The following MBD5 variants were observed in gnomAD, a reference collection of about 807,000 sequenced individuals.
MBD5 encodes methyl-CpG-binding domain protein 5.
In MBD5, 13 loss-of-function variants were observed where a neutral mutation model predicts 117.3. The observed-to-expected ratio is 0.11, with a 90% confidence interval of 0.07 to 0.18. The LOEUF is 0.18. Among genes scored for constraint, MBD5 ranks in the 10% least tolerant of loss-of-function variants. The pLI, the probability that MBD5 is intolerant of heterozygous loss-of-function variation, is 1.00. For synonymous variants in MBD5, 727 were observed against 766.4 expected (o/e 0.95, Z 0.85); for missense variants, 1,879 against 2,093.8 (o/e 0.90, Z 2.00).
chr2:148,252,106 G>C (rs1700478669), intron 3 of MBD5, among the ~76,000 whole-genome samples: 1 of 152,112 alleles, frequency 6.6e-6, no homozygotes, highest in African/African-American at 2.4e-5. Context: ...CATTTTCAGT[G>C]GATCAGGGGA....
intron 1 of MBD5, among the ~76,000 whole-genome samples, chr2:148,031,282 A>G (rs1694031554): frequency 6.6e-6 from 1 of 152,200 alleles, no homozygotes; most frequent in South Asian, 2.1e-4. Context: ...TGTACTTGAA[A>G]AACACTTTAA....
Position 148,057,814 on chromosome 2 carries a change from C to A in MBD5, c.-925+36130C>A, listed in dbSNP as rs1238379976. On this transcript the variant is annotated intron_variant, in intron 1 of 13. Transcript: ENST00000642680. ...GCATGAAGAGCATGTCCACAAAATT[C>A]TTTTCTTAGTTAAAAAAAATAAAGT... 5.3e-5 allele frequency among the ~76,000 whole-genome samples: 8 copies of A among 151,948 alleles called. No homozygotes were observed. The East Asian group carries it at 1.2e-3, about 22-fold the overall frequency.
intron 4 of MBD5, among the ~76,000 whole-genome samples, chr2:148,343,812 A>C (rs1273890358): frequency 6.6e-6 from 1 of 152,078 alleles, no homozygotes; most frequent in East Asian, 1.9e-4. Context: ...ATTTAGTTTA[A>C]TTAGGTCCCA....
At position 148,384,749 on chromosome 2, in the gene MBD5, G is replaced by A. The variant is rs1267347249; in HGVS notation, c.-557+42413G>A. Among the ~76,000 whole-genome samples the A allele has an allele frequency of 3.9e-5, 6 of 152,120 alleles. No homozygotes were observed. In the South Asian group the frequency reaches 1.0e-3, roughly 26 times the overall value. On this transcript the variant is annotated intron_variant, in intron 4 of 13. Coordinates refer to ENST00000642680, the MANE Select transcript of MBD5 (RefSeq NM_001378120.1). ...ACAGTAACCAAAACAGCATGGTACT[G>A]GTACCAAAACAGAGATATAGACCAA...
chr2:148,186,735 A>C (rs1698668407), intron 2 of MBD5, among the ~76,000 whole-genome samples: 1 of 152,230 alleles, frequency 6.6e-6, no homozygotes, highest in Admixed American at 6.5e-5. Flanking sequence ...AACATTTTAC[A>C]AAACCTTGAT....
At chr2:148,033,654 G>C (rs1694104313) in intron 1 of MBD5, among the ~76,000 whole-genome samples, 1 of 152,144 alleles carries the variant, frequency 6.6e-6, no homozygotes, top group Non-Finnish European at 1.5e-5. Flanking sequence ...TAAATTGTAA[G>C]AGACAAGGAA....
chr2:148,469,465 C>T lies in MBD5; in HGVS notation c.1522C>T (p.Pro508Ser), dbSNP rs777081106. The change falls in exon 8 of 14, where the codon CCT becomes TCT. Residue 508 changes from proline to serine, a missense_variant. Physicochemically the swap from Pro to Ser is moderately conservative, Grantham distance 74 (BLOSUM62 -1). This residue lies in a region of MBD5 where 1,666 missense variants were observed against 1,792.2 expected (regional missense o/e 0.93). Transcript: ENST00000642680. ...GSPRPSMPSS[P>S]STKSDGHHQY... ...CCCAAGGCCATCAATGCCATCAAGC[C>T]CTTCTACCAAGTCCGATGGACATCA... is the stretch of plus-strand genomic sequence containing the variant. The T allele has an allele frequency of 6.2e-7, 1 of 1,613,896 alleles. No individual in the cohort carries two copies. The highest frequency in any genetic ancestry group is 2.2e-5 in the East Asian group (1 of 44,878).
intron 1 of MBD5, among the ~76,000 whole-genome samples, chr2:148,029,919 G>GTAAT (rs1693993137): frequency 6.6e-6 from 1 of 152,086 alleles, no homozygotes; most frequent in Admixed American, 6.6e-5. Flanking sequence ...TGCATTGCTG[G>GTAAT]TAAAATGCTT....
rs1559010681 is a variant in MBD5, at chr2:148,296,863, A to ATTTTTTTTTTTTTTTTT, written c.-679-45351_-679-45350insTTTTTTTTTTTTTTTTT. 1.9e-3 allele frequency among the ~76,000 whole-genome samples: 73 copies of ATTTTTTTTTTTTTTTTT among 37,706 alleles called. 1 individual carries two copies. Among genetic ancestry groups the ATTTTTTTTTTTTTTTTT allele is most frequent in the Admixed American group, 3.6e-3 (8 of 2,226 alleles). The allele number at this position is 37,706 out of a possible 152,430, so 24.7% of individuals were successfully genotyped here. A position where few individuals can be genotyped will look rare whatever the true frequency, so the allele number is the denominator to read the frequency against. On this transcript the variant is annotated intron_variant, in intron 3 of 13. Transcript: ENST00000642680. ...TAAGCATAGTTTGCTTTAGTTCTTC[A>ATTTTTTTTTTTTTTTTT]ATTTTTTTTTTTTTTTTTTTTGGAG...
chr2:148,098,088 A>G (rs1171031384), intron 1 of MBD5, among the ~76,000 whole-genome samples: 2 of 152,160 alleles, frequency 1.3e-5, no homozygotes, highest in Non-Finnish European at 2.9e-5. Flanking sequence ...GAGGAGAGTA[A>G]TGTGATAAAG....
intron 4 of MBD5, among the ~76,000 whole-genome samples, chr2:148,415,576 T>C (rs1460227095): frequency 6.6e-6 from 1 of 152,224 alleles, no homozygotes; most frequent in Non-Finnish European, 1.5e-5. Context: ...TTGCTTGCTT[T>C]CTCTCCCTCT....
chr2:148,121,295 T>C (rs1484598846), intron 1 of MBD5, among the ~76,000 whole-genome samples: 1 of 152,212 alleles, frequency 6.6e-6, no homozygotes, highest in Non-Finnish European at 1.5e-5. Flanking sequence ...ATTAAGAATA[T>C]GCATAATTTA....
intron 3 of MBD5, among the ~76,000 whole-genome samples, chr2:148,286,289 A>G (rs572727047): frequency 6.6e-6 from 1 of 152,256 alleles, no homozygotes. Context: ...TTTCATATTC[A>G]TGTGTCATTT....
At chr2:148,156,699 CA>C (rs1697885272) in intron 1 of MBD5, among the ~76,000 whole-genome samples, 2 of 152,212 alleles carry the variant, frequency 1.3e-5, no homozygotes, top group African/African-American at 4.8e-5. Flanking sequence ...TTCACTTAGC[CA>C]AAGTTAATAA....
chr2:148,189,338 T>C (rs1698769417), intron 2 of MBD5, among the ~76,000 whole-genome samples: 1 of 151,348 alleles, frequency 6.6e-6, no homozygotes, highest in Non-Finnish European at 1.5e-5. Flanking sequence ...CAGTAACCTC[T>C]GAGACTTAAG....
At chr2:148,472,577 G>C (rs1680830527) in intron 8 of MBD5, 1 of 152,082 alleles carries the variant, frequency 6.6e-6, no homozygotes, top group Admixed American at 6.6e-5. Flanking sequence ...GTAGTGAACT[G>C]TGTCAACTCA....
At chr2:148,473,524 A>G (rs1680863681) in intron 8 of MBD5, among the ~76,000 whole-genome samples, 1 of 152,158 alleles carries the variant, frequency 6.6e-6, no homozygotes, top group African/African-American at 2.4e-5. Context: ...CTTCTAAGTA[A>G]AAGTTCAAAA....
At chr2:148,034,371 A>G (rs892203389) in intron 1 of MBD5, among the ~76,000 whole-genome samples, 1 of 152,172 alleles carries the variant, frequency 6.6e-6, no homozygotes, top group African/African-American at 2.4e-5. Context: ...AAGGTCCTCT[A>G]GTTCTGTGAT....
chr2:148,170,679 C>T (rs1396018707), intron 1 of MBD5, among the ~76,000 whole-genome samples: 1 of 152,156 alleles, frequency 6.6e-6, no homozygotes, highest in South Asian at 2.1e-4. Flanking sequence ...AAAACAATCA[C>T]TGTTAAAAGT....
Sources: allele counts gnomAD v4.1 joint callset (sites outside exome capture counted in the v4.1 genomes callset), GRCh38; gene constraint gnomAD v4.1.1; regional missense constraint gnomAD v4.1.1; transcripts MANE v1.5; gene names NCBI Gene and HGNC (gene_info 2026-07-23, HGNC 2026-07-21).